Variants in CCSER1 observed in about 807,000 individuals in gnomAD.
CCSER1 encodes the protein coiled-coil serine rich protein 1.
A neutral mutation model predicts 82.0 loss-of-function variants in CCSER1; 41 were observed. The observed-to-expected ratio is 0.50, with a 90% CI of 0.39 to 0.65. The LOEUF (loss-of-function observed/expected upper bound fraction) is 0.65, where lower values mean the gene tolerates loss of function less well. CCSER1 is among the 30% of genes least tolerant of loss of function. The pLI is 0.00. For synonymous variants in CCSER1, 414 were observed against 383.9 expected, an observed-to-expected ratio of 1.08 and a Z score of -0.92; for missense variants, 1,119 against 1,064.2, an observed-to-expected ratio of 1.05 and a Z score of -0.72.
intron 10 of CCSER1, among the ~76,000 whole-genome samples, chr4:91,136,058 A>C (rs1452545480): frequency 6.6e-6 from 1 of 152,118 alleles, no homozygotes; most frequent in Non-Finnish European, 1.5e-5. Flanking sequence ...TCACAGTAAA[A>C]AATTTTAGTT....
At chr4:91,532,341 G>T (rs868341658) in intron 10 of CCSER1, among the ~76,000 whole-genome samples, 9 of 152,118 alleles carry the variant, frequency 5.9e-5, no homozygotes, top group Non-Finnish European at 8.8e-5. Context: ...GGATAATTCT[G>T]TAATTCTCTA....
chr4:91,192,282 T>TA (rs1735066656), intron 10 of CCSER1, among the ~76,000 whole-genome samples: 1 of 152,138 alleles, frequency 6.6e-6, no homozygotes, highest in Non-Finnish European at 1.5e-5. Context: ...AATCTTACAA[T>TA]ATTCCTTAAG....
intron 7 of CCSER1, among the ~76,000 whole-genome samples, chr4:90,744,931 T>C (rs1462137678): frequency 6.7e-6 from 1 of 149,878 alleles, no homozygotes; most frequent in Non-Finnish European, 1.5e-5. Context: ...CGTAAATATG[T>C]ACTAAAAATT....
intron 5 of CCSER1, among the ~76,000 whole-genome samples, chr4:90,548,781 T>TAC: frequency 2.6e-5 from 4 of 151,416 alleles, no homozygotes; most frequent in Admixed American, 2.6e-4. Context: ...TACACACACA[T>TAC]ACACACACAT....
chr4:90,181,823 C>T (rs1482979804), intron 1 of CCSER1, among the ~76,000 whole-genome samples: 1 of 152,146 alleles, frequency 6.6e-6, no homozygotes, highest in East Asian at 1.9e-4. Flanking sequence ...AGTCAGCTGA[C>T]TGAGGTGCCT....
chr4:91,137,645 C>T (rs1411824021), intron 10 of CCSER1, among the ~76,000 whole-genome samples: 1 of 147,960 alleles, frequency 6.8e-6, no homozygotes, highest in Non-Finnish European at 1.5e-5. Context: ...CAAAGTGTTC[C>T]TATTTCTCCA....
At chr4:90,607,416 G>A (rs1784869761) in intron 5 of CCSER1, among the ~76,000 whole-genome samples, 1 of 152,122 alleles carries the variant, frequency 6.6e-6, no homozygotes, top group Non-Finnish European at 1.5e-5. Context: ...GAAATTTATT[G>A]TCTCACAGTT....
At chr4:90,163,871 A>C (rs1379084984) in intron 1 of CCSER1, among the ~76,000 whole-genome samples, 1 of 152,144 alleles carries the variant, frequency 6.6e-6, no homozygotes, top group East Asian at 1.9e-4. Flanking sequence ...GGAGGAGTGT[A>C]TTCACTAAAA....
chr4:91,208,255 C>T (rs1736509225), intron 10 of CCSER1, among the ~76,000 whole-genome samples: 1 of 151,806 alleles, frequency 6.6e-6, no homozygotes, highest in Admixed American at 6.6e-5. Flanking sequence ...GTCAATTTTG[C>T]TTTTGTTGAC....
intron 5 of CCSER1, among the ~76,000 whole-genome samples, chr4:90,625,429 G>T (rs1387215237): frequency 1.3e-5 from 2 of 152,166 alleles, no homozygotes; most frequent in Non-Finnish European, 2.9e-5. Context: ...GGATGGCTGT[G>T]CCGGCCTTTG....
intron 9 of CCSER1, among the ~76,000 whole-genome samples, chr4:90,947,068 C>T (rs1732341098): frequency 6.6e-6 from 1 of 152,114 alleles, no homozygotes; most frequent in East Asian, 1.9e-4. Context: ...CTTAAATTTC[C>T]ACCCAGAAGT....
intron 3 of CCSER1, among the ~76,000 whole-genome samples, chr4:90,384,067 T>C (rs1056422962): frequency 2.0e-5 from 3 of 151,948 alleles, no homozygotes; most frequent in African/African-American, 7.2e-5. Flanking sequence ...AGCCAAGCTG[T>C]TTAGTTTTTC....
intron 10 of CCSER1, among the ~76,000 whole-genome samples, chr4:91,401,474 G>T (rs947583903): frequency 6.6e-6 from 1 of 151,496 alleles, no homozygotes; most frequent in Non-Finnish European, 1.5e-5. Context: ...ATGTATACAT[G>T]TGCCATGTTG....
intron 7 of CCSER1, among the ~76,000 whole-genome samples, chr4:90,813,598 G>C (rs1405273778): frequency 6.6e-6 from 1 of 152,154 alleles, no homozygotes; most frequent in East Asian, 1.9e-4. Flanking sequence ...AAGTCTCACA[G>C]ATCTGATGGG....
At chr4:91,017,666 G>T (rs1739552357) in intron 9 of CCSER1, among the ~76,000 whole-genome samples, 1 of 152,092 alleles carries the variant, frequency 6.6e-6, no homozygotes, top group Non-Finnish European at 1.5e-5. Flanking sequence ...GTAAAGGAAG[G>T]TGCAGGAAAT....
At chr4:91,596,367 A>G (rs1440707124) in intron 10 of CCSER1, among the ~76,000 whole-genome samples, 1 of 152,070 alleles carries the variant, frequency 6.6e-6, no homozygotes, top group East Asian at 1.9e-4. Flanking sequence ...AAAGAAATGT[A>G]ACCACTGGTG....
chr4:91,417,966 C>T (rs1753465200), intron 10 of CCSER1, among the ~76,000 whole-genome samples: 1 of 152,026 alleles, frequency 6.6e-6, no homozygotes, highest in Non-Finnish European at 1.5e-5. Context: ...TCTGACCACA[C>T]TGTTATAAAA....
chr4:90,715,548 C>T (rs1741486298), intron 6 of CCSER1, among the ~76,000 whole-genome samples: 1 of 152,036 alleles, frequency 6.6e-6, no homozygotes, highest in Non-Finnish European at 1.5e-5. Flanking sequence ...AGACAATCAT[C>T]TCTTGGGATA....
intron 1 of CCSER1, among the ~76,000 whole-genome samples, chr4:90,302,932 A>T (rs761733074): frequency 1.3e-5 from 2 of 152,190 alleles, no homozygotes; most frequent in African/African-American, 4.8e-5. Flanking sequence ...GAATCTGGAG[A>T]TGTAGACAGC....
Sources: gnomAD v4.1 joint callset for allele counts (sites outside exome capture counted in the v4.1 genomes callset) on GRCh38, gnomAD v4.1.1 for gene constraint, MANE v1.5 for transcripts, NCBI Gene and HGNC (gene_info 2026-07-23, HGNC 2026-07-21) for gene names.